Variants in ATE1 observed in about 807,000 individuals in gnomAD.
The protein encoded by ATE1 is arginyltransferase 1.
A neutral mutation model predicts 70.5 loss-of-function variants in ATE1; 36 were observed. That is an observed-to-expected ratio of 0.51 (90% CI 0.39 to 0.67). The LOEUF is 0.67. ATE1 is among the 30% of genes least tolerant of loss of function. The pLI is 0.00. For missense variants in ATE1, 593 were observed against 629.5 expected, an observed-to-expected ratio of 0.94 and a Z score of 0.62; for synonymous variants, 232 against 219.3, an observed-to-expected ratio of 1.06 and a Z score of -0.51.
At chr10:121,889,902 G>C (rs750061028) in intron 7 of ATE1, among the ~76,000 whole-genome samples, 18 of 152,214 alleles carry the variant, frequency 1.2e-4, no homozygotes, top group Non-Finnish European at 1.8e-4. Flanking sequence ...AGTTTTTAAA[G>C]AGTAAATATT....
At position 121,893,059 on chromosome 10, in the gene ATE1, C is replaced by T. The variant is rs561705216; in HGVS notation, c.942+6807G>A. 2.3e-4 allele frequency among the ~76,000 whole-genome samples: 35 copies of T among 152,062 alleles called. 1 individual carries two copies. The Middle Eastern group carries it at 0.01, about 44-fold the overall frequency. ...TTGGGAGGCCGAGGCAGACAGATCA[C>T]GAGGTCAGGAGATCGAGACCATCCT... On this transcript the variant is annotated intron_variant, in intron 7 of 11. Coordinates refer to ENST00000224652, the MANE Select transcript of ATE1 (RefSeq NM_001001976.3).
Position 121,899,960 on chromosome 10 carries a change from T to C in ATE1, c.848A>G (p.Gln283Arg), listed in dbSNP as rs200676873. ...AGACTCCAGAAGTGTGGCTTTGAAC[T>C]GCGAACTTGGTGGAGATGATCTCAC... is the stretch of plus-strand genomic sequence containing the variant. ...RVVRSSPPSS[Q>R]FKATLLESYQ... Residue 283 changes from glutamine (Q) to arginine (R), a missense_variant, in exon 7 of 12, where the codon CAG (glutamine) becomes CGG (arginine). This residue lies in a region of ATE1 where 467 missense variants were observed against 469.6 expected (regional missense o/e 0.99). Transcript: ENST00000224652. 5.0e-5 allele frequency: 81 copies of C among 1,613,876 alleles called. No individual in the cohort carries two copies. Among genetic ancestry groups the C allele is most frequent in the Non-Finnish European group, 6.4e-5 (76 of 1,179,914 alleles).
intron 10 of ATE1, among the ~76,000 whole-genome samples, chr10:121,811,527 T>A (rs951793825): frequency 1.3e-5 from 2 of 152,212 alleles, no homozygotes; most frequent in African/African-American, 4.8e-5. Flanking sequence ...GGTTTTATTA[T>A]CTTACTTGGA....
intron 10 of ATE1, among the ~76,000 whole-genome samples, chr10:121,819,092 T>C (rs888419307): frequency 6.6e-6 from 1 of 152,206 alleles, no homozygotes; most frequent in Non-Finnish European, 1.5e-5. Context: ...AATGTGCTGA[T>C]AAAAGAAGAT....
At chr10:121,920,572 A>T (rs571152213) in intron 3 of ATE1, among the ~76,000 whole-genome samples, 1 of 152,110 alleles carries the variant, frequency 6.6e-6, no homozygotes, top group Non-Finnish European at 1.5e-5. Flanking sequence ...TTATAACCAG[A>T]ATAAGAGAGA....
chr10:121,878,466 AC>A, intron 7 of ATE1, among the ~76,000 whole-genome samples: 1 of 151,976 alleles, frequency 6.6e-6, no homozygotes, highest in Admixed American at 6.6e-5. Flanking sequence ...GGTGGTGCAC[AC>A]CTATAATCCC....
At chr10:121,773,632 T>A in intron 11 of ATE1, among the ~76,000 whole-genome samples, 1 of 152,222 alleles carries the variant, frequency 6.6e-6, no homozygotes, top group Non-Finnish European at 1.5e-5. Context: ...CAGGGACTTT[T>A]TTTTTAAAGT....
chr10:121,829,692 G>A (rs985515135), intron 10 of ATE1, among the ~76,000 whole-genome samples: 1 of 149,886 alleles, frequency 6.7e-6, no homozygotes, highest in Non-Finnish European at 1.5e-5. Context: ...CTGGGCGACA[G>A]AGCGAGACTC....
At chr10:121,899,004 G>A (rs756567219) in intron 7 of ATE1, 1 of 1,607,542 alleles carries the variant, frequency 6.2e-7, no homozygotes, top group Non-Finnish European at 8.5e-7. Context: ...AAATGCTATT[G>A]AAACATCTCT....
intron 3 of ATE1, among the ~76,000 whole-genome samples, chr10:121,918,911 T>C (rs532250713): frequency 6.6e-6 from 1 of 152,266 alleles, no homozygotes; most frequent in East Asian, 1.9e-4. Context: ...ATCGGCGCTC[T>C]GTAGCTAGCT....
chr10:121,841,182 C>G lies in ATE1; in HGVS notation c.1057G>C (p.Val353Leu). The G allele has an allele frequency of 6.2e-7, 1 of 1,601,822 alleles. No homozygotes were observed. The highest frequency in any genetic ancestry group is 8.5e-7 in the Non-Finnish European group (1 of 1,172,168). The change falls in exon 9 of 12, where the codon GTG becomes CTG. Residue 353 changes from valine (V) to leucine (L), a missense_variant. Physicochemically the swap from Val to Leu is conservative, Grantham distance 32. Around this residue, in one of 3 missense-constraint regions of ATE1, gnomAD observed 467 missense variants for 469.6 expected, o/e 0.99. Coordinates refer to ENST00000224652, the MANE Select transcript of ATE1 (RefSeq NM_001001976.3). ...QYWLDGKIIA[V>L]GVIDILPNCV... ...TTTGGGAGGATGTCAATCACCCCCACAGCAATGATCTTTCCGTCAAGCCAG... is the reference window on the plus strand; with the variant it reads ...TTTGGGAGGATGTCAATCACCCCCAGAGCAATGATCTTTCCGTCAAGCCAG...
At chr10:121,758,138 A>G (rs551563638) in intron 11 of ATE1, among the ~76,000 whole-genome samples, 3 of 151,254 alleles carry the variant, frequency 2.0e-5, no homozygotes, top group African/African-American at 7.2e-5. Context: ...TGTGTAGCTA[A>G]TAATTTTTTT....
intron 10 of ATE1, among the ~76,000 whole-genome samples, chr10:121,791,300 G>T (rs763144983): frequency 1.0e-3 from 153 of 151,558 alleles, no homozygotes; most frequent in Non-Finnish European, 1.8e-3. Context: ...CACCATGCTG[G>T]CCAGGCTGGT....
intron 7 of ATE1, among the ~76,000 whole-genome samples, chr10:121,872,685 C>T (rs1007096678): frequency 6.6e-6 from 1 of 151,812 alleles, no homozygotes; most frequent in Non-Finnish European, 1.5e-5. Context: ...GATTCCTTAA[C>T]AAACACTATC....
chr10:121,834,735 G>C (rs1948371670), intron 10 of ATE1, among the ~76,000 whole-genome samples: 1 of 152,020 alleles, frequency 6.6e-6, no homozygotes, highest in South Asian at 2.1e-4. Flanking sequence ...AAAAAACAAA[G>C]ACCCAGGTTA....
intron 10 of ATE1, among the ~76,000 whole-genome samples, chr10:121,809,365 C>A (rs1947225313): frequency 6.6e-6 from 1 of 151,678 alleles, no homozygotes; most frequent in Non-Finnish European, 1.5e-5. Context: ...GCATACAACT[C>A]AGCTACACGA....
chr10:121,752,600 A>G (rs1015791074), intron 11 of ATE1, among the ~76,000 whole-genome samples: 6 of 152,118 alleles, frequency 3.9e-5, no homozygotes. Flanking sequence ...TATGGTGTGA[A>G]GTAGGGGGCC....
At chr10:121,864,907 G>A (rs778616600) in intron 8 of ATE1, among the ~76,000 whole-genome samples, 2 of 152,076 alleles carry the variant, frequency 1.3e-5, no homozygotes, top group Non-Finnish European at 2.9e-5. Flanking sequence ...CCCATAATGT[G>A]CAGGACAGCT....
At chr10:121,852,104 T>C (rs1394754962) in intron 8 of ATE1, among the ~76,000 whole-genome samples, 1 of 152,226 alleles carries the variant, frequency 6.6e-6, no homozygotes, top group African/African-American at 2.4e-5. Flanking sequence ...TGGAGAGTCA[T>C]ATGCCAGGCA....
Sources: gnomAD v4.1 joint callset for allele counts (sites outside exome capture counted in the v4.1 genomes callset) on GRCh38, gnomAD v4.1.1 for gene constraint, gnomAD v4.1.1 regional missense constraint, MANE v1.5 for transcripts, NCBI Gene and HGNC (gene_info 2026-07-23, HGNC 2026-07-21) for gene names.